The following KCNT2 variants were observed in gnomAD, a reference collection of about 807,000 sequenced individuals.
The protein encoded by KCNT2 is potassium channel subfamily T member 2.
KCNT2 carries 67 observed loss-of-function variants against 153.8 expected under a neutral mutation model. The ratio of observed to expected loss-of-function variants is 0.44; its 90% CI spans 0.36 to 0.53. The LOEUF is 0.53. KCNT2 is among the 20% of genes least tolerant of loss of function. The probability of loss-of-function intolerance (pLI) is 0.00; values close to 1 mark genes in which losing one functional copy is unlikely to be tolerated. For synonymous variants in KCNT2, 500 were observed against 458.8 expected (o/e 1.09, Z -1.15); for missense variants, 975 against 1,354.8 (o/e 0.72, Z 4.40).
intron 1 of KCNT2, among the ~76,000 whole-genome samples, chr1:196,594,213 T>C (rs1311314218): frequency 6.6e-6 from 1 of 152,152 alleles, no homozygotes; most frequent in Non-Finnish European, 1.5e-5. Flanking sequence ...ACTGTCACAG[T>C]ATGAATTATG....
At chr1:196,436,306 T>C in intron 8 of KCNT2, among the ~76,000 whole-genome samples, 1 of 151,612 alleles carries the variant, frequency 6.6e-6, no homozygotes, top group Middle Eastern at 3.2e-3. Context: ...AAAATATATC[T>C]TTATATATAA....
intron 26 of KCNT2, among the ~76,000 whole-genome samples, chr1:196,255,184 A>C (rs891727151): frequency 2.6e-5 from 4 of 151,714 alleles, no homozygotes; most frequent in Non-Finnish European, 5.9e-5. Flanking sequence ...TAACAGAAAA[A>C]AAATTATTCA....
At chr1:196,475,525 G>A (rs1678454987) in intron 5 of KCNT2, among the ~76,000 whole-genome samples, 1 of 151,864 alleles carries the variant, frequency 6.6e-6, no homozygotes, top group African/African-American at 2.4e-5. Context: ...GGAGGGTGAG[G>A]CGAGCGGATC....
At chr1:196,454,399 C>A (rs560824917) in intron 8 of KCNT2, among the ~76,000 whole-genome samples, 1 of 151,936 alleles carries the variant, frequency 6.6e-6, no homozygotes, top group East Asian at 2.0e-4. Flanking sequence ...TAGCAGTCCC[C>A]AGTGCTTATT....
chr1:196,320,947 G>A (rs996913185), intron 19 of KCNT2, among the ~76,000 whole-genome samples: 1 of 148,322 alleles, frequency 6.7e-6, no homozygotes, highest in East Asian at 2.0e-4. Context: ...TTTAACACTG[G>A]TATTCACATC....
At chr1:196,294,339 G>A (rs193276323) in intron 22 of KCNT2, among the ~76,000 whole-genome samples, 23 of 152,168 alleles carry the variant, frequency 1.5e-4, no homozygotes, top group African/African-American at 5.5e-4. Flanking sequence ...GCAGTGGTGC[G>A]ATCTCAGCTC....
At chr1:196,373,663 A>G (rs1474310458) in intron 13 of KCNT2, among the ~76,000 whole-genome samples, 5 of 151,926 alleles carry the variant, frequency 3.3e-5, no homozygotes, top group Non-Finnish European at 5.9e-5. Context: ...GATTTAGAAG[A>G]GTACTGATAT....
At chr1:196,253,343 C>T (rs1022446336) in intron 26 of KCNT2, among the ~76,000 whole-genome samples, 1 of 151,282 alleles carries the variant, frequency 6.6e-6, no homozygotes, top group Non-Finnish European at 1.5e-5. Flanking sequence ...CTGATGCCAC[C>T]CCCATCCAGT....
intron 13 of KCNT2, among the ~76,000 whole-genome samples, chr1:196,380,012 A>G (rs1258982187): frequency 2.0e-5 from 3 of 152,222 alleles, no homozygotes; most frequent in East Asian, 1.9e-4. Flanking sequence ...CCAACAGTAT[A>G]CTTTTAAAAC....
chr1:196,366,220 C>T (rs543243705), intron 14 of KCNT2, among the ~76,000 whole-genome samples: 26 of 151,402 alleles, frequency 1.7e-4, no homozygotes, highest in African/African-American at 4.1e-4. Flanking sequence ...AGTGCAATGG[C>T]GCGATCTCAG....
chr1:196,226,134 C>T lies in KCNT2; in HGVS notation c.*2090G>A, dbSNP rs1012342068. On this transcript the variant is annotated 3_prime_UTR_variant, in exon 28 of 28. Coordinates refer to ENST00000294725, the MANE Select transcript of KCNT2 (RefSeq NM_198503.5). ...TTTTTAGTTATATAGGAAATATAATCATATCCTAGCTTAAAATCCTAGTCT... is the reference window on the plus strand; with the variant it reads ...TTTTTAGTTATATAGGAAATATAATTATATCCTAGCTTAAAATCCTAGTCT... The T allele has an allele frequency of 6.6e-6, 1 of 151,842 alleles. No homozygotes were observed. Among genetic ancestry groups the T allele is most frequent in the African/African-American group, 2.4e-5 (1 of 41,364 alleles). 9.4% of individuals were successfully genotyped at this position (151,842 alleles called of 1,614,324 possible). A position where few individuals can be genotyped will look rare whatever the true frequency, so the allele number is the denominator to read the frequency against.
intron 12 of KCNT2, among the ~76,000 whole-genome samples, chr1:196,400,884 ATGT>A (rs1671351856): frequency 6.6e-6 from 1 of 151,786 alleles, no homozygotes; most frequent in African/African-American, 2.4e-5. Flanking sequence ...AGTATCTTGC[ATGT>A]TATAATTTCC....
At position 196,493,357 on chromosome 1, in the gene KCNT2, G is replaced by GT. The variant is rs919810785; in HGVS notation, c.96-1017dup. 2.6e-3 allele frequency among the ~76,000 whole-genome samples: 385 copies of GT among 148,688 alleles called. 3 individuals carry two copies. The highest frequency in any genetic ancestry group is 5.0e-3 in the African/African-American group (202 of 40,560). On this transcript the variant is annotated intron_variant, in intron 1 of 27. Transcript: ENST00000294725. ...TTTTGGGGGGGAGATTTTTGGTTTTGTTTTTTTTGCAAGAGTAGATACCTT... is the reference window on the plus strand; with the variant it reads ...TTTTGGGGGGGAGATTTTTGGTTTTGTTTTTTTTTGCAAGAGTAGATACCTT...
At chr1:196,488,772 C>G (rs1679630884) in intron 3 of KCNT2, among the ~76,000 whole-genome samples, 1 of 151,968 alleles carries the variant, frequency 6.6e-6, no homozygotes, top group Admixed American at 6.6e-5. Context: ...CAGCAGCATT[C>G]ACTGACCTAC....
chr1:196,435,159 A>G (rs1016522853), intron 8 of KCNT2, among the ~76,000 whole-genome samples: 4 of 114,780 alleles, frequency 3.5e-5, no homozygotes, highest in Non-Finnish European at 4.1e-5. Context: ...ATATATATAT[A>G]TATATATATA....
chr1:196,430,902 C>T (rs1192678233), intron 8 of KCNT2, among the ~76,000 whole-genome samples: 1 of 152,042 alleles, frequency 6.6e-6, no homozygotes, highest in Non-Finnish European at 1.5e-5. Context: ...GGTTTGAATG[C>T]TTGTGTCCCC....
intron 8 of KCNT2, among the ~76,000 whole-genome samples, chr1:196,443,144 A>C (rs530518034): frequency 8.6e-5 from 13 of 151,632 alleles, no homozygotes; most frequent in Non-Finnish European, 1.8e-4. Flanking sequence ...ATTGCTCAAA[A>C]GAATGAGCAG....
At chr1:196,540,863 G>T (rs1656261028) in intron 1 of KCNT2, among the ~76,000 whole-genome samples, 1 of 151,996 alleles carries the variant, frequency 6.6e-6, no homozygotes, top group Admixed American at 6.6e-5. Context: ...TCAGGAGATC[G>T]AGACCATCCT....
At position 196,565,735 on chromosome 1, in the gene KCNT2, A is replaced by G. The variant is rs1660030368; in HGVS notation, c.95+42480T>C. Among the ~76,000 whole-genome samples, 3 of 151,930 alleles carry G rather than the reference A, an allele frequency of 2.0e-5. No individual in the cohort carries two copies. In the South Asian group the frequency reaches 6.2e-4, roughly 31 times the overall value. ...CCAAACACAGAAAGACAAATATTGC[A>G]TGATCTCATTTATTATAAGTGGAAT... On this transcript the variant is annotated intron_variant, in intron 1 of 27. Coordinates refer to ENST00000294725, the MANE Select transcript of KCNT2 (RefSeq NM_198503.5).
Sources: allele counts gnomAD v4.1 joint callset (sites outside exome capture counted in the v4.1 genomes callset), GRCh38; gene constraint gnomAD v4.1.1; transcripts MANE v1.5; gene names NCBI Gene and HGNC (gene_info 2026-07-23, HGNC 2026-07-21).